BRAF: variants seen among roughly 807,000 people sequenced by gnomAD.
BRAF encodes serine/threonine-protein kinase B-raf.
A neutral mutation model predicts 104.6 loss-of-function variants in BRAF; 16 were observed. The ratio of observed to expected loss-of-function variants is 0.15; its 90% confidence interval spans 0.10 to 0.23. The LOEUF is 0.23. BRAF is among the 10% of genes least tolerant of loss of function. The pLI is 1.00. For synonymous variants in BRAF, 310 were observed against 341.6 expected (o/e 0.91, Z 1.02); for missense variants, 541 against 937.3 (o/e 0.58, Z 5.52).
Position 140,722,297 on chromosome 7 carries a change from T to C in BRAF, c.*4197A>G, listed in dbSNP as rs958185599. The C allele has an allele frequency of 9.5e-7, 1 of 1,055,854 alleles. No individual in the cohort carries two copies. Among genetic ancestry groups the C allele is most frequent in the Non-Finnish European group, 1.1e-6 (1 of 873,354 alleles). 65.4% of individuals were successfully genotyped at this position (1,055,854 alleles called of 1,614,324 possible). ...AATGTGATTTTGGCTATAAACTCTT[T>C]AGTGCATTTACCTATGCAGTCTAAA... is the stretch of plus-strand genomic sequence containing the variant. On this transcript the variant is annotated 3_prime_UTR_variant, in exon 20 of 20. Coordinates refer to ENST00000644969, the MANE Select transcript of BRAF (RefSeq NM_001374258.1).
chr7:140,757,618 A>G (rs1424207575), intron 14 of BRAF, among the ~76,000 whole-genome samples: 1 of 152,206 alleles, frequency 6.6e-6, no homozygotes, highest in Non-Finnish European at 1.5e-5. Flanking sequence ...GACATGGTCT[A>G]TAATTTCAGA....
At chr7:140,890,378 A>G (rs1221845315) in intron 1 of BRAF, among the ~76,000 whole-genome samples, 1 of 152,190 alleles carries the variant, frequency 6.6e-6, no homozygotes, top group Non-Finnish European at 1.5e-5. Context: ...CAGCCAATAA[A>G]TATCTACCAA....
chr7:140,848,090 C>A (rs1486132944), intron 2 of BRAF, among the ~76,000 whole-genome samples: 1 of 152,010 alleles, frequency 6.6e-6, no homozygotes, highest in African/African-American at 2.4e-5. Context: ...TCTAAAAGAA[C>A]CAACCAAAAA....
chr7:140,838,374 A>T (rs1807573703), intron 2 of BRAF, among the ~76,000 whole-genome samples: 1 of 152,190 alleles, frequency 6.6e-6, no homozygotes, highest in African/African-American at 2.4e-5. Flanking sequence ...GCAAAAATCC[A>T]ATAAATATTT....
chr7:140,732,144 C>T (rs1182685195), intron 19 of BRAF: 1 of 113,356 alleles, frequency 8.8e-6, no homozygotes, highest in East Asian at 2.9e-4. Flanking sequence ...GCACTCCAGC[C>T]TGGGCGACAG....
intron 3 of BRAF, among the ~76,000 whole-genome samples, chr7:140,815,139 A>ATT (rs535513876): frequency 3.6e-5 from 5 of 139,760 alleles, no homozygotes; most frequent in African/African-American, 5.2e-5. Context: ...CATCAATTAC[A>ATT]TTTTTTTTTT....
intron 14 of BRAF, among the ~76,000 whole-genome samples, chr7:140,757,869 G>A (rs954640168): frequency 6.6e-6 from 1 of 152,176 alleles, no homozygotes; most frequent in Non-Finnish European, 1.5e-5. Context: ...CTTCAGGTAT[G>A]ATCATTCATC....
At chr7:140,787,452 TGTCTGTTACTTGAAAGAGGCAA>T (rs1258534530) in intron 9 of BRAF, 74 bp downstream of exon 9, 5 of 1,327,368 alleles carry the variant, frequency 3.8e-6, no homozygotes, top group Non-Finnish European at 5.4e-6. Context: ...TTTTTCTCTG[TGTCTGTTACTTGAAAGAGGCAA>T]GTATAAAGGA....
chr7:140,804,024 T>C (rs1803397339), intron 5 of BRAF, among the ~76,000 whole-genome samples: 1 of 151,368 alleles, frequency 6.6e-6, no homozygotes, highest in Non-Finnish European at 1.5e-5. Flanking sequence ...AGCTGGGGAC[T>C]ACAGGCATGC....
intron 1 of BRAF, among the ~76,000 whole-genome samples, chr7:140,891,297 A>G (rs1355542630): frequency 6.6e-6 from 1 of 152,188 alleles, no homozygotes; most frequent in Non-Finnish European, 1.5e-5. Flanking sequence ...TCATTCCTCC[A>G]TATCCACAAG....
chr7:140,921,324 A>G (rs557304915), intron 1 of BRAF, among the ~76,000 whole-genome samples: 4 of 152,308 alleles, frequency 2.6e-5, no homozygotes, highest in Admixed American at 2.6e-4. Context: ...AAGTACAAGT[A>G]CATTCATTTG....
At chr7:140,736,109 T>A (rs1211324453) in intron 18 of BRAF, among the ~76,000 whole-genome samples, 1 of 149,962 alleles carries the variant, frequency 6.7e-6, no homozygotes, top group Non-Finnish European at 1.5e-5. Flanking sequence ...CTCACTCTAT[T>A]GTCCAGGCTG....
chr7:140,764,204 T>C (rs1799073791), intron 14 of BRAF, among the ~76,000 whole-genome samples: 1 of 151,612 alleles, frequency 6.6e-6, no homozygotes, highest in Non-Finnish European at 1.5e-5. Flanking sequence ...AACCACATGA[T>C]TATCTCAATA....
chr7:140,909,072 C>G (rs1422110312), intron 1 of BRAF, among the ~76,000 whole-genome samples: 2 of 147,186 alleles, frequency 1.4e-5, no homozygotes, highest in Non-Finnish European at 3.0e-5. Context: ...ATACTGAAAA[C>G]AGAAATCAAT....
intron 1 of BRAF, among the ~76,000 whole-genome samples, chr7:140,893,167 G>C (rs1321888527): frequency 6.6e-6 from 1 of 152,002 alleles, no homozygotes; most frequent in Non-Finnish European, 1.5e-5. Context: ...CAACAGATTT[G>C]GTGAACGAGC....
chr7:140,754,018 A>G, intron 15 of BRAF, 169 bp downstream of exon 14: 4 of 682,820 alleles, frequency 5.9e-6, no homozygotes, highest in Non-Finnish European at 1.0e-5. Context: ...AACCAAAAGC[A>G]GGCTGTGGTA....
chr7:140,806,524 G>A (rs1803674883), intron 5 of BRAF, among the ~76,000 whole-genome samples: 1 of 152,152 alleles, frequency 6.6e-6, no homozygotes, highest in African/African-American at 2.4e-5. Context: ...TCTGTGGCAA[G>A]GACCTTCCTG....
intron 12 of BRAF, among the ~76,000 whole-genome samples, chr7:140,779,488 T>G (rs1320566963): frequency 6.6e-6 from 1 of 152,214 alleles, no homozygotes; most frequent in Non-Finnish European, 1.5e-5. Context: ...AAATTTTTTC[T>G]GATTTTGGAA....
intron 7 of BRAF, 129 bp downstream of exon 7, chr7:140,800,233 G>C: frequency 7.1e-7 from 1 of 1,400,162 alleles, no homozygotes; most frequent in Non-Finnish European, 1.0e-6. Flanking sequence ...TGAGTGGTAT[G>C]ATAAGTTATT....
Sources: allele counts gnomAD v4.1 joint callset (sites outside exome capture counted in the v4.1 genomes callset), GRCh38; gene constraint gnomAD v4.1.1; transcripts MANE v1.5; gene names NCBI Gene and HGNC (gene_info 2026-07-23, HGNC 2026-07-21).